The following ORC3 variants were observed in gnomAD, a reference collection of about 807,000 sequenced individuals.
The protein encoded by ORC3 is origin recognition complex subunit 3.
In ORC3, 78 loss-of-function variants were observed where a neutral mutation model predicts 100.7. The ratio of observed to expected loss-of-function variants is 0.77; its 90% CI spans 0.65 to 0.94. The LOEUF (loss-of-function observed/expected upper bound fraction) is 0.94. Ranked by LOEUF, ORC3 falls within the 40% of genes least tolerant of loss-of-function variation. The pLI, the probability that ORC3 is intolerant of heterozygous loss-of-function variation, is 0.00. For missense variants in ORC3, 789 were observed against 823.9 expected, an observed-to-expected ratio of 0.96 and a Z score of 0.52; for synonymous variants, 295 against 289.3, an observed-to-expected ratio of 1.02 and a Z score of -0.20.
chr6:87,673,765 C>T, the ORC3 span, among the ~76,000 whole-genome samples: 1 of 151,002 alleles, frequency 6.6e-6, no homozygotes, highest in African/African-American at 2.4e-5. Flanking sequence ...CACTTGAACC[C>T]GGGAGGCGGA....
chr6:87,616,504 G>A, intron 9 of ORC3, 77 bp downstream of exon 9: 2 of 616,004 alleles, frequency 3.2e-6, no homozygotes, highest in Non-Finnish European at 3.0e-6. Context: ...GCTGTCTAGT[G>A]TGATAGGCAT....
At position 87,632,190 on chromosome 6, in the gene ORC3, ATTG is replaced by A. The variant is rs546665422; in HGVS notation, c.1186-2652_1186-2650del. On this transcript the variant is annotated intron_variant, in intron 11 of 19. Coordinates refer to ENST00000392844, the MANE Select transcript of ORC3 (RefSeq NM_012381.4). ...AAAAACAAACAAACAAAAAAGAATTATTGTTTGAATAAGTAAAGGCAGATACAT... is the reference window on the plus strand; with the variant it reads ...AAAAACAAACAAACAAAAAAGAATTATTTGAATAAGTAAAGGCAGATACAT... Among the ~76,000 whole-genome samples the A allele has an allele frequency of 1.1e-3, 173 of 152,302 alleles. 1 individual carries two copies. The highest frequency in any genetic ancestry group is 1.9e-3 in the Non-Finnish European group (127 of 68,010).
At chr6:87,657,900 G>C (rs754657000) in intron 15 of ORC3, 21 bp from the exon 16 acceptor site, 3 of 1,334,690 alleles carry the variant, frequency 2.2e-6, no homozygotes, top group East Asian at 2.3e-5. Context: ...CACCAGAAAA[G>C]CTATGTTCTT....
chr6:87,594,795 C>T (rs1042763989), intron 2 of ORC3, among the ~76,000 whole-genome samples: 5 of 151,942 alleles, frequency 3.3e-5, no homozygotes, highest in South Asian at 2.1e-4. Flanking sequence ...TGACTGGCAA[C>T]CCAGATTTCT....
intron 14 of ORC3, among the ~76,000 whole-genome samples, chr6:87,655,964 A>G (rs1769652574): frequency 6.6e-6 from 1 of 152,192 alleles, no homozygotes; most frequent in Non-Finnish European, 1.5e-5. Flanking sequence ...CTTTAAGCCA[A>G]TGCATATTCT....
chr6:87,609,211 A>G lies in ORC3; in HGVS notation c.695A>G (p.Asp232Gly), dbSNP rs1347849141. ...MESFATKVLQ[D>G]FIIISSQHLH... ...AGCTTTGCCACAAAAGTACTACAAGACTTCATAATTATCAGCAGGTAGATG... is the reference window on the plus strand; with the variant it reads ...AGCTTTGCCACAAAAGTACTACAAGGCTTCATAATTATCAGCAGGTAGATG... Residue 232 changes from aspartate (D) to glycine (G), a missense_variant, in exon 7 of 20, where the codon GAC becomes GGC. Physicochemically the swap from Asp to Gly is moderately conservative, Grantham distance 94 (BLOSUM62 -1). Around this residue, in one of 3 missense-constraint regions of ORC3, gnomAD observed 399 missense variants for 382.0 expected, o/e 1.04. Transcript: ENST00000392844. The G allele has an allele frequency of 2.5e-6, 4 of 1,597,860 alleles. No homozygotes were observed. The highest frequency in any genetic ancestry group is 8.5e-7 in the Non-Finnish European group (1 of 1,175,298).
intron 2 of ORC3, among the ~76,000 whole-genome samples, chr6:87,597,652 AT>A (rs941096086): frequency 9.3e-5 from 14 of 150,472 alleles, no homozygotes; most frequent in African/African-American, 3.4e-4. Flanking sequence ...ATAGAATAGG[AT>A]TTTTTTTAAG....
chr6:87,658,471 G>C (rs1231663391), intron 16 of ORC3, among the ~76,000 whole-genome samples: 2 of 143,138 alleles, frequency 1.4e-5, no homozygotes, highest in Non-Finnish European at 3.1e-5. Context: ...AAAAAAAAAA[G>C]AATTGTAATT....
chr6:87,591,024 C>T (rs766612509), intron 1 of ORC3, among the ~76,000 whole-genome samples: 4 of 152,152 alleles, frequency 2.6e-5, no homozygotes, highest in Non-Finnish European at 4.4e-5. Flanking sequence ...TAGTCACTCA[C>T]CACATGTGGC....
At chr6:87,592,477 A>G (rs1777103486) in intron 1 of ORC3, among the ~76,000 whole-genome samples, 1 of 152,098 alleles carries the variant, frequency 6.6e-6, no homozygotes, top group Non-Finnish European at 1.5e-5. Context: ...CTAAAATACA[A>G]AATTAGCCTG....
rs1445379976 is a variant in ORC3 at position 87,590,177 on chromosome 6, G to C, written c.9G>C (p.Thr3=). Residue 3 remains threonine (T), a synonymous_variant, in exon 1 of 20, where the codon ACG becomes ACC. Transcript: ENST00000392844. Reference sequence around the variant, plus strand: ...GCAGAGTCAGTAAGACCATGGCTACGTCCTCGATGTCTAAGGTATGTGGTG... The same window carrying C: ...GCAGAGTCAGTAAGACCATGGCTACCTCCTCGATGTCTAAGGTATGTGGTG... MA[T]SSMSKGCFVF... 4 of 1,614,116 alleles carry C rather than the reference G, an allele frequency of 2.5e-6. No homozygotes were observed. The highest frequency in any genetic ancestry group is 3.4e-6 in the Non-Finnish European group (4 of 1,179,914).
intron 13 of ORC3, among the ~76,000 whole-genome samples, chr6:87,647,370 T>C (rs979416113): frequency 9.9e-5 from 15 of 152,162 alleles, no homozygotes; most frequent in African/African-American, 3.6e-4. Context: ...TTTGCACCCA[T>C]TGTTCTGTCT....
chr6:87,598,408 T>C (rs530421591), intron 2 of ORC3, among the ~76,000 whole-genome samples: 2 of 152,336 alleles, frequency 1.3e-5, no homozygotes, highest in East Asian at 3.9e-4. Flanking sequence ...CTTAGACATA[T>C]AACTTTCTCA....
intron 16 of ORC3, among the ~76,000 whole-genome samples, chr6:87,658,485 A>T (rs901044450): frequency 4.0e-5 from 6 of 151,544 alleles, no homozygotes; most frequent in Non-Finnish European, 8.8e-5. Context: ...TGTAATTTTT[A>T]TTCTTTTTCC....
At chr6:87,596,093 A>C (rs1050259942) in intron 2 of ORC3, among the ~76,000 whole-genome samples, 1 of 151,796 alleles carries the variant, frequency 6.6e-6, no homozygotes, top group African/African-American at 2.4e-5. Context: ...CTCCCACCTC[A>C]GACCTCAAAG....
At chr6:87,629,918 A>G (rs1583084819) in intron 11 of ORC3, among the ~76,000 whole-genome samples, 1 of 152,304 alleles carries the variant, frequency 6.6e-6, no homozygotes, top group East Asian at 1.9e-4. Context: ...AACAGACAGG[A>G]TTGATGAGGT....
chr6:87,648,253 G>C (rs1768956893), intron 13 of ORC3, among the ~76,000 whole-genome samples: 1 of 152,028 alleles, frequency 6.6e-6, no homozygotes, highest in Admixed American at 6.6e-5. Flanking sequence ...GCTTGCTATA[G>C]TCATTCTAAT....
intron 13 of ORC3, among the ~76,000 whole-genome samples, chr6:87,641,429 G>A (rs1030543577): frequency 2.0e-5 from 3 of 152,184 alleles, no homozygotes; most frequent in African/African-American, 7.2e-5. Context: ...TTTGTGGCCA[G>A]TATTACATGT....
intron 11 of ORC3, among the ~76,000 whole-genome samples, chr6:87,628,234 C>G (rs546805430): frequency 6.6e-6 from 1 of 152,260 alleles, no homozygotes; most frequent in South Asian, 2.1e-4. Context: ...GGCTTAATAC[C>G]TAGATGATGG....
Sources: allele counts gnomAD v4.1 joint callset (sites outside exome capture counted in the v4.1 genomes callset), GRCh38; gene constraint gnomAD v4.1.1; regional missense constraint gnomAD v4.1.1; transcripts MANE v1.5; gene names NCBI Gene and HGNC (gene_info 2026-07-23, HGNC 2026-07-21).